VAV3: variants seen among roughly 807,000 people sequenced by gnomAD.
VAV3 encodes the protein guanine nucleotide exchange factor VAV3.
VAV3 carries 94 observed loss-of-function variants against 131.2 expected under a neutral mutation model. That is an observed-to-expected ratio of 0.72 (90% CI 0.61 to 0.85). The LOEUF (loss-of-function observed/expected upper bound fraction) is 0.85, where lower values mean the gene tolerates loss of function less well. VAV3 is among the 40% of genes least tolerant of loss of function. VAV3 has a pLI of 0.00. For synonymous variants in VAV3, 349 were observed against 342.0 expected (o/e 1.02, Z -0.22); for missense variants, 939 against 1,002.7 (o/e 0.94, Z 0.86).
In VAV3 at chr1:107,774,033, T is replaced by A. The variant is rs532799981; in HGVS notation, c.447-1190A>T. Among the ~76,000 whole-genome samples the A allele has an allele frequency of 3.9e-5, 6 of 152,178 alleles. No homozygotes were observed. In the South Asian group the frequency reaches 1.2e-3, roughly 32 times the overall value. ...TTTCCCATGACAGTAAAGGAATGAA[T>A]CATATAAATTAGCACAGACTTTTCT... On this transcript the variant is annotated intron_variant, in intron 4 of 26. Coordinates refer to ENST00000370056, the MANE Select transcript of VAV3 (RefSeq NM_006113.5).
chr1:107,628,331 A>G (rs1266632875), intron 20 of VAV3, among the ~76,000 whole-genome samples: 3 of 152,172 alleles, frequency 2.0e-5, no homozygotes, highest in Non-Finnish European at 4.4e-5. Flanking sequence ...GTCCTGTGGG[A>G]AGTAAAAATT....
chr1:107,640,882 T>A (rs558476508), intron 20 of VAV3, among the ~76,000 whole-genome samples: 4 of 152,288 alleles, frequency 2.6e-5, no homozygotes, highest in Non-Finnish European at 5.9e-5. Flanking sequence ...AGCATATTTA[T>A]ATACTATAGA....
chr1:107,625,530 G>A (rs1653951434), intron 20 of VAV3, among the ~76,000 whole-genome samples: 1 of 152,122 alleles, frequency 6.6e-6, no homozygotes, highest in African/African-American at 2.4e-5. Context: ...GCCTCCCAAA[G>A]TGTTGGGATT....
chr1:107,632,285 G>C (rs1390363947), intron 20 of VAV3, among the ~76,000 whole-genome samples: 2 of 152,114 alleles, frequency 1.3e-5, no homozygotes, highest in Non-Finnish European at 2.9e-5. Context: ...GGCCATCTGT[G>C]TCTTAATCTC....
chr1:107,609,660 C>T (rs1202073206), intron 22 of VAV3: 7 of 353,664 alleles, frequency 2.0e-5, no homozygotes, highest in African/African-American at 4.1e-5. Context: ...GATACATATG[C>T]GTATGTTCCA....
intron 9 of VAV3, among the ~76,000 whole-genome samples, chr1:107,761,117 C>T (rs979312472): frequency 1.2e-4 from 19 of 152,062 alleles, no homozygotes; most frequent in South Asian, 4.1e-4. Flanking sequence ...TGGCCGGGCG[C>T]GGTGGCTCAC....
intron 15 of VAV3, among the ~76,000 whole-genome samples, chr1:107,708,795 C>T (rs1340927462): frequency 6.6e-6 from 1 of 152,090 alleles, no homozygotes; most frequent in East Asian, 1.9e-4. Context: ...TCCCTCACAC[C>T]CTCTACATGT....
In VAV3 at chr1:107,862,772, T is replaced by A. The variant is rs539263516; in HGVS notation, c.321+12129A>T. The A allele has an allele frequency of 2.0e-5, 3 of 151,872 alleles. No individual in the cohort carries two copies. In the South Asian group the frequency reaches 6.3e-4, roughly 32 times the overall value. The allele number at this position is 151,872 out of a possible 1,614,324, so 9.4% of individuals were successfully genotyped here. A position where few individuals can be genotyped will look rare whatever the true frequency, so the allele number is the denominator to read the frequency against. ...AACTAAGGCTAGGAATTAGAATACG[T>A]GCATTAGTGAGCATATATGTGCCAT... On this transcript the variant is annotated intron_variant, in intron 2 of 26. Transcript: ENST00000370056.
At chr1:107,664,718 T>C (rs1657290232) in intron 19 of VAV3, among the ~76,000 whole-genome samples, 1 of 152,080 alleles carries the variant, frequency 6.6e-6, no homozygotes, top group East Asian at 1.9e-4. Flanking sequence ...AAAAAAATAC[T>C]ATAGCAATGT....
At chr1:107,964,477 T>A in intron 1 of VAV3, 189 bp downstream of exon 1, 1 of 574,480 alleles carries the variant, frequency 1.7e-6, no homozygotes, top group Non-Finnish European at 3.0e-6. Context: ...CGCATTCAGC[T>A]TGAGGAGCTA....
chr1:107,677,604 T>C (rs2101708882), intron 19 of VAV3, among the ~76,000 whole-genome samples: 1 of 152,334 alleles, frequency 6.6e-6, no homozygotes, highest in Non-Finnish European at 1.5e-5. Flanking sequence ...GTTCATTACT[T>C]CTTTTTCAGG....
Position 107,603,075 on chromosome 1 carries a change from CTT to C in VAV3, c.2102_2103del (p.Lys701ArgfsTer8). ...ATGCTAATTGCATATTCTCCTGACT[CTT>C]TGGTCCTGTGCCTCACAAGGTAAGT... The part of the protein sequence containing the change: ...NSTYLVRHRT[K>X]ESGEYAISIK... On this transcript the variant is annotated frameshift_variant, in exon 23 of 27. Coordinates refer to ENST00000370056, the MANE Select transcript of VAV3 (RefSeq NM_006113.5). LOFTEE classifies it high-confidence loss of function. 1 of 1,613,518 alleles carries C rather than the reference CTT, an allele frequency of 6.2e-7. No homozygotes were observed. Among genetic ancestry groups the C allele is most frequent in the Non-Finnish European group, 8.5e-7 (1 of 1,179,682 alleles).
At chr1:107,645,323 T>C (rs898606507) in intron 19 of VAV3, among the ~76,000 whole-genome samples, 1 of 718 alleles carries the variant, frequency 1.4e-3, no homozygotes, top group Non-Finnish European at 0.014. Flanking sequence ...TGGAATGTAT[T>C]TTTTTTTTTT....
At chr1:107,637,946 T>C (rs1304905334) in intron 20 of VAV3, among the ~76,000 whole-genome samples, 2 of 152,144 alleles carry the variant, frequency 1.3e-5, no homozygotes, top group Non-Finnish European at 2.9e-5. Flanking sequence ...GCCGCATTAA[T>C]AAAAACAAAA....
intron 15 of VAV3, among the ~76,000 whole-genome samples, chr1:107,715,473 T>C (rs1661038988): frequency 6.6e-6 from 1 of 152,168 alleles, no homozygotes; most frequent in South Asian, 2.1e-4. Context: ...GTATTAAACA[T>C]GTAATAAGCA....
intron 15 of VAV3, among the ~76,000 whole-genome samples, chr1:107,719,691 C>T (rs1661364368): frequency 6.6e-6 from 1 of 152,188 alleles, no homozygotes; most frequent in Admixed American, 6.5e-5. Context: ...CCATTTGACC[C>T]AGCAATCCCA....
intron 19 of VAV3, among the ~76,000 whole-genome samples, chr1:107,670,975 T>G (rs894363696): frequency 6.6e-6 from 1 of 152,196 alleles, no homozygotes; most frequent in African/African-American, 2.4e-5. Context: ...TGAATTTAAA[T>G]GGAAGATGCA....
At chr1:107,949,686 T>C (rs947710062) in intron 1 of VAV3, among the ~76,000 whole-genome samples, 3 of 152,184 alleles carry the variant, frequency 2.0e-5, no homozygotes, top group African/African-American at 7.2e-5. Flanking sequence ...GCTTCCTCCT[T>C]AGTGAGGATG....
intron 2 of VAV3, among the ~76,000 whole-genome samples, chr1:107,796,722 T>C (rs17020067): frequency 0.43 from 64,933 of 150,674 alleles, 14,945 homozygotes; most frequent in Non-Finnish European, 0.52. Context: ...CTGGGAATCA[T>C]GACAGAGTCA....
Sources: allele counts gnomAD v4.1 joint callset (sites outside exome capture counted in the v4.1 genomes callset), GRCh38; gene constraint gnomAD v4.1.1; transcripts MANE v1.5; gene names NCBI Gene and HGNC (gene_info 2026-07-23, HGNC 2026-07-21).